The following SH3RF1 variants were observed in gnomAD, a reference collection of about 807,000 sequenced individuals.
SH3RF1 encodes the protein E3 ubiquitin-protein ligase SH3RF1.
SH3RF1 carries 32 observed loss-of-function variants against 74.0 expected under a neutral mutation model. The observed-to-expected ratio is 0.43, with a 90% CI of 0.33 to 0.58. The LOEUF is 0.58. Ranked by LOEUF, SH3RF1 falls within the 20% of genes least tolerant of loss-of-function variation. The pLI is 0.05. For synonymous variants in SH3RF1, 396 were observed against 439.6 expected (o/e 0.90, Z 1.24); for missense variants, 954 against 1,130.9 (o/e 0.84, Z 2.24).
At chr4:169,158,626 A>T (rs1734100720) in intron 2 of SH3RF1, among the ~76,000 whole-genome samples, 2 of 152,270 alleles carry the variant, frequency 1.3e-5, no homozygotes, top group South Asian at 2.1e-4. Context: ...GTGGGCAGGC[A>T]GGCAGAGAGC....
chr4:169,255,729 T>C lies in SH3RF1; in HGVS notation c.393+13091A>G, dbSNP rs144841019. Among the ~76,000 whole-genome samples the C allele has an allele frequency of 1.8e-3, 266 of 151,396 alleles. 7 individuals are homozygous for C. In the East Asian group the frequency reaches 0.049, roughly 28 times the overall value. ...ATCCAACAGTGCATTAAAACATCCA[T>C]GTTTTAACAATGGGCATAATAATCT... On this transcript the variant is annotated intron_variant, in intron 2 of 11. Coordinates refer to ENST00000284637, the MANE Select transcript of SH3RF1 (RefSeq NM_020870.4).
At chr4:169,152,977 A>G (rs1386524679) in intron 4 of SH3RF1, among the ~76,000 whole-genome samples, 1 of 152,096 alleles carries the variant, frequency 6.6e-6, no homozygotes, top group Non-Finnish European at 1.5e-5. Flanking sequence ...CTAATTCCAC[A>G]GCTCCACATC....
intron 10 of SH3RF1, among the ~76,000 whole-genome samples, chr4:169,113,779 A>T (rs985112639): frequency 1.3e-5 from 2 of 152,220 alleles, no homozygotes; most frequent in Admixed American, 1.3e-4. Context: ...TTGGAACACT[A>T]AATGAGGTAG....
chr4:169,109,991 G>T (rs1733212080), intron 10 of SH3RF1, among the ~76,000 whole-genome samples: 1 of 142,922 alleles, frequency 7.0e-6, no homozygotes, highest in South Asian at 2.4e-4. Context: ...CAGCCTGGGT[G>T]ATAGAGGGAT....
chr4:169,174,101 T>C (rs1039201985), intron 2 of SH3RF1, among the ~76,000 whole-genome samples: 1 of 152,092 alleles, frequency 6.6e-6, no homozygotes, highest in African/African-American at 2.4e-5. Context: ...TCTCACTCTG[T>C]CACCCAGGCT....
At chr4:169,147,437 CT>C (rs1198363565) in intron 4 of SH3RF1, among the ~76,000 whole-genome samples, 1 of 152,170 alleles carries the variant, frequency 6.6e-6, no homozygotes, top group Non-Finnish European at 1.5e-5. Context: ...AGTATTTCCC[CT>C]ACCCTGGATA....
In SH3RF1 at chr4:169,197,602, C is replaced by T. The variant is rs149320891; in HGVS notation, c.394-40923G>A. On this transcript the variant is annotated intron_variant, in intron 2 of 11. Coordinates refer to ENST00000284637, the MANE Select transcript of SH3RF1 (RefSeq NM_020870.4). ...TTGCGCCACTGTACTCCAGCCTGGGCGACAAAAGCAAGACTCTGTCTCAAA... is the reference window on the plus strand; with the variant it reads ...TTGCGCCACTGTACTCCAGCCTGGGTGACAAAAGCAAGACTCTGTCTCAAA... Among the ~76,000 whole-genome samples the T allele has an allele frequency of 4.6e-3, 518 of 113,074 alleles. 3 individuals are homozygous for T. Among genetic ancestry groups the T allele is most frequent in the African/African-American group, 0.015 (499 of 32,656 alleles). 74.2% of individuals were successfully genotyped at this position (113,074 alleles called of 152,430 possible).
chr4:169,263,166 T>C (rs1006611700), intron 2 of SH3RF1, among the ~76,000 whole-genome samples: 17 of 152,230 alleles, frequency 1.1e-4, no homozygotes, highest in African/African-American at 3.6e-4. Context: ...CGTCAGTGTT[T>C]GTAGTGAACC....
chr4:169,268,773 G>A (rs745487413), intron 2 of SH3RF1, 47 bp downstream of exon 2: 1 of 1,511,188 alleles, frequency 6.6e-7, no homozygotes. Context: ...GAAAAAATGT[G>A]GACATTACCA....
intron 2 of SH3RF1, among the ~76,000 whole-genome samples, chr4:169,231,747 C>T (rs927711617): frequency 2.0e-5 from 3 of 152,170 alleles, no homozygotes; most frequent in East Asian, 1.9e-4. Context: ...GGACAACTAA[C>T]GCCTCTTTCT....
chr4:169,259,883 C>T (rs1731250391), intron 2 of SH3RF1, among the ~76,000 whole-genome samples: 1 of 152,192 alleles, frequency 6.6e-6, no homozygotes, highest in African/African-American at 2.4e-5. Context: ...TAGGTTGCTA[C>T]AGTATTGTGG....
At chr4:169,254,227 G>GT (rs1423595121) in intron 2 of SH3RF1, among the ~76,000 whole-genome samples, 17 of 152,182 alleles carry the variant, frequency 1.1e-4, no homozygotes, top group African/African-American at 3.9e-4. Context: ...CCATCAAGAA[G>GT]TATTTACTGA....
intron 2 of SH3RF1, among the ~76,000 whole-genome samples, chr4:169,193,295 A>C (rs1307156383): frequency 6.6e-6 from 1 of 152,142 alleles, no homozygotes; most frequent in Non-Finnish European, 1.5e-5. Flanking sequence ...ATAGTGAATG[A>C]ATGAATGAAT....
At chr4:169,174,672 C>T (rs910923101) in intron 2 of SH3RF1, among the ~76,000 whole-genome samples, 1 of 152,162 alleles carries the variant, frequency 6.6e-6, no homozygotes, top group Non-Finnish European at 1.5e-5. Context: ...ACCATTTACA[C>T]AAGCCATTCT....
intron 2 of SH3RF1, chr4:169,167,132 T>A (rs1734259677): frequency 6.2e-6 from 1 of 160,196 alleles, no homozygotes; most frequent in Non-Finnish European, 1.4e-5. Flanking sequence ...CTTAAGAACC[T>A]AATTAAGTAA....
intron 7 of SH3RF1, among the ~76,000 whole-genome samples, chr4:169,121,568 GC>G (rs1370001685): frequency 6.6e-6 from 1 of 152,190 alleles, no homozygotes; most frequent in Non-Finnish European, 1.5e-5. Context: ...AGGTGACTGT[GC>G]CCACGAACAC....
chr4:169,108,512 C>A (rs942655330), intron 10 of SH3RF1, among the ~76,000 whole-genome samples: 3 of 152,166 alleles, frequency 2.0e-5, no homozygotes, highest in African/African-American at 7.2e-5. Flanking sequence ...GACATGTGAA[C>A]CTATGGGCTA....
intron 2 of SH3RF1, among the ~76,000 whole-genome samples, chr4:169,241,031 C>A (rs1392847112): frequency 6.6e-6 from 1 of 152,138 alleles, no homozygotes; most frequent in African/African-American, 2.4e-5. Context: ...GAGATCAAGA[C>A]CATCGTGGCT....
At chr4:169,209,059 G>A (rs759269763) in intron 2 of SH3RF1, among the ~76,000 whole-genome samples, 24 of 152,138 alleles carry the variant, frequency 1.6e-4, no homozygotes, top group Non-Finnish European at 2.9e-4. Flanking sequence ...GGAGGCTGAG[G>A]AAGGTGATCA....
Sources: gnomAD v4.1 joint callset for allele counts (sites outside exome capture counted in the v4.1 genomes callset) on GRCh38, gnomAD v4.1.1 for gene constraint, MANE v1.5 for transcripts, NCBI Gene and HGNC (gene_info 2026-07-23, HGNC 2026-07-21) for gene names.